The following GSTCD variants were observed in gnomAD, a reference collection of about 807,000 sequenced individuals.
GSTCD encodes the protein glutathione S-transferase C-terminal domain containing.
In GSTCD, 44 loss-of-function variants were observed where a neutral mutation model predicts 68.3. The observed-to-expected ratio is 0.64, with a 90% CI of 0.51 to 0.83. The LOEUF (loss-of-function observed/expected upper bound fraction) is 0.83, where lower values mean the gene tolerates loss of function less well. GSTCD is among the 40% of genes least tolerant of loss of function. The pLI is 0.00. For missense variants in GSTCD, 739 were observed against 735.9 expected (o/e 1.00, Z -0.05); for synonymous variants, 273 against 255.2 (o/e 1.07, Z -0.67).
chr4:105,718,134 A>G (rs146100988), intron 2 of GSTCD, 95 bp downstream of exon 2: 8 of 1,018,912 alleles, frequency 7.9e-6, no homozygotes, highest in Middle Eastern at 4.7e-4. Flanking sequence ...TAGGAATAAA[A>G]GTTTATTTAT....
intron 4 of GSTCD, among the ~76,000 whole-genome samples, chr4:105,728,261 G>T (rs1733107001): frequency 6.6e-6 from 1 of 152,016 alleles, no homozygotes; most frequent in Non-Finnish European, 1.5e-5. Context: ...CACTGAATTG[G>T]ATACTTTAAA....
intron 5 of GSTCD, among the ~76,000 whole-genome samples, chr4:105,740,382 T>TG (rs1171246267): frequency 2.0e-5 from 3 of 152,102 alleles, no homozygotes; most frequent in Non-Finnish European, 4.4e-5. Context: ...TGATCCCTGC[T>TG]GGGGAATGGG....
chr4:105,730,770 G>T (rs1192707960), intron 5 of GSTCD, among the ~76,000 whole-genome samples: 2 of 152,068 alleles, frequency 1.3e-5, no homozygotes, highest in East Asian at 3.8e-4. Flanking sequence ...GTCAATTTTG[G>T]CTTTTGTTCC....
intron 9 of GSTCD, among the ~76,000 whole-genome samples, chr4:105,835,177 T>TG (rs1724061818): frequency 1.3e-5 from 2 of 152,272 alleles, no homozygotes; most frequent in African/African-American, 4.8e-5. Context: ...ACAGGATCCT[T>TG]GGGGCGTCGC....
rs1172781047 is a variant in GSTCD, at chr4:105,726,368, CA to C, written c.895-210del. On this transcript the variant is annotated intron_variant, in intron 3 of 11. Transcript: ENST00000515279. ...GGTTGTCTGCAACTGACTGTGGTAG[CA>C]GAGATTGAGTGTAAATGGTTACAAG... Among the ~76,000 whole-genome samples the C allele has an allele frequency of 1.4e-4, 22 of 152,170 alleles. No individual in the cohort carries two copies. The East Asian group carries it at 4.1e-3, about 28-fold the overall frequency.
chr4:105,734,088 AC>A (rs1304627900), intron 5 of GSTCD, among the ~76,000 whole-genome samples: 5 of 152,078 alleles, frequency 3.3e-5, no homozygotes, highest in African/African-American at 1.2e-4. Context: ...TTTTGTGGGT[AC>A]CCCGACCTTT....
chr4:105,743,106 C>T (rs940701051), intron 5 of GSTCD, among the ~76,000 whole-genome samples: 1 of 151,816 alleles, frequency 6.6e-6, no homozygotes, highest in Admixed American at 6.6e-5. Context: ...CCCGCCACCA[C>T]GCCTGGCTAA....
chr4:105,757,663 A>C (rs1266117583), intron 5 of GSTCD, among the ~76,000 whole-genome samples: 1 of 152,170 alleles, frequency 6.6e-6, no homozygotes, highest in Non-Finnish European at 1.5e-5. Context: ...TCTCTGTATC[A>C]AAAAGTAGAA....
intron 5 of GSTCD, among the ~76,000 whole-genome samples, chr4:105,740,407 G>T (rs555777775): frequency 2.5e-4 from 38 of 152,196 alleles, no homozygotes; most frequent in African/African-American, 7.5e-4. Flanking sequence ...TGGAGACCAG[G>T]TGTTTCCTTC....
intron 10 of GSTCD, among the ~76,000 whole-genome samples, chr4:105,839,140 G>A (rs1724236183): frequency 1.3e-5 from 2 of 152,062 alleles, no homozygotes; most frequent in African/African-American, 4.8e-5. Context: ...CACAGATATG[G>A]AAAGGGGAGA....
intron 5 of GSTCD, among the ~76,000 whole-genome samples, chr4:105,767,998 C>A (rs1318689958): frequency 1.3e-5 from 2 of 149,648 alleles, no homozygotes; most frequent in South Asian, 2.1e-4. Context: ...TTTTGTTCCA[C>A]AAATAAAAAT....
chr4:105,790,057 A>C (rs909592720), intron 5 of GSTCD, among the ~76,000 whole-genome samples: 4 of 152,110 alleles, frequency 2.6e-5, no homozygotes, highest in African/African-American at 4.8e-5. Context: ...AGAAAAAAAG[A>C]ATAGTTTGAT....
chr4:105,798,063 C>A (rs975188700), intron 5 of GSTCD, among the ~76,000 whole-genome samples: 2 of 152,102 alleles, frequency 1.3e-5, no homozygotes, highest in Admixed American at 6.5e-5. Context: ...ATATAGTGTT[C>A]TAAGTCCTTT....
At chr4:105,816,675 C>T (rs1266094896) in intron 5 of GSTCD, among the ~76,000 whole-genome samples, 2 of 152,014 alleles carry the variant, frequency 1.3e-5, no homozygotes, top group Non-Finnish European at 2.9e-5. Flanking sequence ...CACCTCATTT[C>T]CTTGAACGCA....
chr4:105,814,588 G>A (rs1400649698), intron 5 of GSTCD, among the ~76,000 whole-genome samples: 1 of 151,894 alleles, frequency 6.6e-6, no homozygotes, highest in African/African-American at 2.4e-5. Context: ...CTCCAGCCTG[G>A]TTGACAGAGA....
At chr4:105,794,527 T>C (rs1735795766) in intron 5 of GSTCD, among the ~76,000 whole-genome samples, 1 of 152,110 alleles carries the variant, frequency 6.6e-6, no homozygotes, top group East Asian at 1.9e-4. Context: ...GGTGGATATA[T>C]AGCAAATTTC....
chr4:105,732,045 A>C (rs1179378981), intron 5 of GSTCD, among the ~76,000 whole-genome samples: 1 of 152,218 alleles, frequency 6.6e-6, no homozygotes, highest in Non-Finnish European at 1.5e-5. Flanking sequence ...GATTAAGCCT[A>C]CTTGATCATG....
intron 5 of GSTCD, among the ~76,000 whole-genome samples, chr4:105,821,887 T>G (rs1723312966): frequency 6.6e-6 from 1 of 151,858 alleles, no homozygotes; most frequent in South Asian, 2.1e-4. Context: ...TATTTACATT[T>G]AAAAATCTTT....
intron 8 of GSTCD, among the ~76,000 whole-genome samples, chr4:105,828,720 A>C (rs573113916): frequency 6.6e-6 from 1 of 152,254 alleles, no homozygotes; most frequent in Non-Finnish European, 1.5e-5. Context: ...CAAGAAGGCT[A>C]TCAGGACACA....
Sources: gnomAD v4.1 joint callset for allele counts (sites outside exome capture counted in the v4.1 genomes callset) on GRCh38, gnomAD v4.1.1 for gene constraint, MANE v1.5 for transcripts, NCBI Gene and HGNC (gene_info 2026-07-23, HGNC 2026-07-21) for gene names.